The following PIEZO2 variants were observed in gnomAD, a reference collection of about 807,000 sequenced individuals.
PIEZO2 encodes piezo-type mechanosensitive ion channel component 2.
Under a neutral mutation model 337.3 loss-of-function variants are expected in PIEZO2, and 172 were observed. The observed-to-expected ratio is 0.51, with a 90% CI of 0.45 to 0.58. The LOEUF (loss-of-function observed/expected upper bound fraction) is 0.58, where lower values mean the gene tolerates loss of function less well. Among genes scored for constraint, PIEZO2 ranks in the 20% least tolerant of loss-of-function variants. The pLI is 0.00. For synonymous variants in PIEZO2, 1,251 were observed against 1,228.5 expected, an observed-to-expected ratio of 1.02 and a Z score of -0.38; for missense variants, 3,028 against 3,391.3, an observed-to-expected ratio of 0.89 and a Z score of 2.66.
In PIEZO2 at chr18:10,773,695, A is replaced by G. The variant is rs1020660529; in HGVS notation, c.2568-66T>C. ...TTGGGAGAGATTTGACTGAGGGGCA[A>G]GTAAAAGGAGGATAAACACAAATGA... On this transcript the variant is annotated intron_variant, in intron 19 of 55. Transcript: ENST00000674853. This position sits in a 1 kb window ranked among gnomAD's most constrained non-coding sequence, Gnocchi z 5.3. 11 of 1,413,010 alleles carry G rather than the reference A, an allele frequency of 7.8e-6. No homozygotes were observed. In the African/African-American group the frequency reaches 1.4e-4, roughly 18 times the overall value. 87.5% of individuals were successfully genotyped at this position (1,413,010 alleles called of 1,614,324 possible). A position where few individuals can be genotyped will look rare whatever the true frequency, so the allele number is the denominator to read the frequency against.
At chr18:11,013,297 T>C (rs1477784970) in intron 2 of PIEZO2, among the ~76,000 whole-genome samples, 1 of 152,106 alleles carries the variant, frequency 6.6e-6, no homozygotes, top group African/African-American at 2.4e-5. Flanking sequence ...GACCAGTCAT[T>C]GCTGGCTTTG....
At position 10,982,189 on chromosome 18, in the gene PIEZO2, T is replaced by A. The variant is rs967745977; in HGVS notation, c.161-2529A>T. 5.9e-5 allele frequency among the ~76,000 whole-genome samples: 9 copies of A among 152,220 alleles called. No individual in the cohort carries two copies. The highest frequency in any genetic ancestry group is 1.3e-4 in the Non-Finnish European group (9 of 68,038). On this transcript the variant is annotated intron_variant, in intron 2 of 55. Transcript: ENST00000674853. The surrounding 1 kb of genome is among the most constrained non-coding windows in gnomAD (Gnocchi z 4.1). ...ATTTTGCAGCAGCTTTTTGCTTATT[T>A]GTTTGTAAATATCCATTACTAGGTG...
chr18:10,988,595 A>C lies in PIEZO2; in HGVS notation c.161-8935T>G, dbSNP rs1016706779. ...CACTTCTGGGTATACATTCAAAATA[A>C]CTGAAATCAGGATGTCAAAAACCTA... On this transcript the variant is annotated intron_variant, in intron 2 of 55. Coordinates refer to ENST00000674853, the MANE Select transcript of PIEZO2 (RefSeq NM_001378183.1). The surrounding 1 kb of genome is among the most constrained non-coding windows in gnomAD (Gnocchi z 4.8). 6.6e-6 allele frequency among the ~76,000 whole-genome samples: 1 copy of C among 152,154 alleles called. No individual in the cohort carries two copies.
At chr18:10,871,589 A>G (rs188720052) in intron 4 of PIEZO2, among the ~76,000 whole-genome samples, 174 bp from the exon 5 acceptor site, 1 of 152,328 alleles carries the variant, frequency 6.6e-6, no homozygotes, top group East Asian at 1.9e-4. Flanking sequence ...CAAAATCTAC[A>G]CATTCAGGAA....
rs1200043393 is a variant in PIEZO2, at chr18:11,115,705, CTA to C, written c.64+32818_64+32819del. Among the ~76,000 whole-genome samples, 146 of 152,172 alleles carry C rather than the reference CTA, an allele frequency of 9.6e-4. 1 individual carries two copies. The highest frequency in any genetic ancestry group is 3.4e-3 in the African/African-American group (143 of 41,528). On this transcript the variant is annotated intron_variant, in intron 1 of 55. Transcript: ENST00000674853. ...AAGCATTCTATACTTTAAGAAAATGCTATGTTTATCTGAAATTCAGATTTAAG... is the reference window on the plus strand; with the variant it reads ...AAGCATTCTATACTTTAAGAAAATGCTGTTTATCTGAAATTCAGATTTAAG...
chr18:10,932,257 ATGGTG>A, intron 3 of PIEZO2, among the ~76,000 whole-genome samples: 1 of 152,112 alleles, frequency 6.6e-6, no homozygotes, highest in Non-Finnish European at 1.5e-5. Context: ...TTAGCAGGGT[ATGGTG>A]GCACATGCCT....
intron 36 of PIEZO2, among the ~76,000 whole-genome samples, chr18:10,728,744 A>G (rs545413131): frequency 2.6e-5 from 4 of 151,942 alleles, no homozygotes; most frequent in Non-Finnish European, 5.9e-5. Flanking sequence ...TCATGAGGTC[A>G]GAAGATCGAG....
intron 1 of PIEZO2, among the ~76,000 whole-genome samples, chr18:11,136,224 G>A (rs2146261387): frequency 6.6e-6 from 1 of 152,362 alleles, no homozygotes; most frequent in Admixed American, 6.5e-5. Context: ...GAAATGCAGT[G>A]TGGCTCTAAG....
chr18:11,002,861 C>T lies in PIEZO2; in HGVS notation c.161-23201G>A, dbSNP rs971191461. ...TTTCTCACACATTTTCATGGTCCTC[C>T]ATGGGCAGGTTCAGCAGAGAACAGA... On this transcript the variant is annotated intron_variant, in intron 2 of 55. Transcript: ENST00000674853. This position sits in a 1 kb window ranked among gnomAD's most constrained non-coding sequence, Gnocchi z 4.3. Among the ~76,000 whole-genome samples the T allele has an allele frequency of 2.0e-5, 3 of 152,210 alleles. No homozygotes were observed. The highest frequency in any genetic ancestry group is 7.2e-5 in the African/African-American group (3 of 41,432).
Position 10,716,583 on chromosome 18 carries a change from G to T in PIEZO2, c.5090-767C>A, listed in dbSNP as rs564236993. The stretch of plus-strand genomic sequence containing the variant: ...CACAGGAAGAGAACGGCCGCTGCTT[G>T]AAGCTGAATGAAGTGAGTCGCTGTG... On this transcript the variant is annotated intron_variant, in intron 37 of 55. Transcript: ENST00000674853. The surrounding 1 kb of genome is among the most constrained non-coding windows in gnomAD (Gnocchi z 4.1). Among the ~76,000 whole-genome samples, 1 of 151,846 alleles carries T rather than the reference G, an allele frequency of 6.6e-6. No individual in the cohort carries two copies. The highest frequency in any genetic ancestry group is 2.4e-5 in the African/African-American group (1 of 41,152).
intron 2 of PIEZO2, among the ~76,000 whole-genome samples, chr18:11,010,597 C>T (rs1204036081): frequency 6.6e-6 from 1 of 152,186 alleles, no homozygotes; most frequent in African/African-American, 2.4e-5. Context: ...TATTTATTCT[C>T]TAGTCCTGTT....
intron 7 of PIEZO2, among the ~76,000 whole-genome samples, chr18:10,818,551 A>G (rs1010633631): frequency 2.0e-5 from 3 of 152,228 alleles, no homozygotes; most frequent in Non-Finnish European, 2.9e-5. Context: ...TGCAGGATCA[A>G]TAGTAATATA....
intron 3 of PIEZO2, among the ~76,000 whole-genome samples, chr18:10,938,198 C>T (rs539339053): frequency 1.3e-5 from 2 of 152,268 alleles, no homozygotes; most frequent in African/African-American, 4.8e-5. Flanking sequence ...CAGAACTAAC[C>T]GGGACTGAGG....
At position 10,676,299 on chromosome 18, in the gene PIEZO2, C is replaced by G. The variant is rs1453806825; in HGVS notation, c.8082-1011G>C. 6.6e-6 allele frequency among the ~76,000 whole-genome samples: 1 copy of G among 152,122 alleles called. No individual in the cohort carries two copies. Among genetic ancestry groups the G allele is most frequent in the Non-Finnish European group, 1.5e-5 (1 of 68,020 alleles). ...TTCTAAGGCCTGCACCCTGGTGATC[C>G]ATATATTCCATGCATTACAATGGGG... is the stretch of plus-strand genomic sequence containing the variant. On this transcript the variant is annotated intron_variant, in intron 53 of 55. Transcript: ENST00000674853. This position sits in a 1 kb window ranked among gnomAD's most constrained non-coding sequence, Gnocchi z 5.1.
intron 2 of PIEZO2, among the ~76,000 whole-genome samples, chr18:11,040,885 G>T (rs1490532164): frequency 6.6e-6 from 1 of 152,054 alleles, no homozygotes; most frequent in African/African-American, 2.4e-5. Context: ...TAAAATAAAA[G>T]ATCAGTTAAA....
At chr18:10,776,148 T>A (rs1298763249) in intron 18 of PIEZO2, among the ~76,000 whole-genome samples, 1 of 152,206 alleles carries the variant, frequency 6.6e-6, no homozygotes, top group African/African-American at 2.4e-5. Flanking sequence ...GGTAACATTG[T>A]TTTTAGAGGC....
rs531805741 is a variant in PIEZO2, at chr18:11,149,496, G to T, written c.-908C>A. Among the ~76,000 whole-genome samples the T allele has an allele frequency of 1.3e-5, 2 of 152,086 alleles. No individual in the cohort carries two copies. Among genetic ancestry groups the T allele is most frequent in the South Asian group, 4.1e-4 (2 of 4,824 alleles). ...CGTCCCGTCGCCCAGCGCGACCACC[G>T]CCTGCCGCCTTGCAGCCTCGCCCTC... On this transcript the variant is annotated 5_prime_UTR_variant, in exon 1 of 56. Transcript: ENST00000674853. The surrounding 1 kb of genome is among the most constrained non-coding windows in gnomAD (Gnocchi z 8.7).
chr18:10,949,607 C>T (rs1175884973), intron 3 of PIEZO2, among the ~76,000 whole-genome samples: 1 of 152,254 alleles, frequency 6.6e-6, no homozygotes, highest in Admixed American at 6.5e-5. Flanking sequence ...GATAAACAAT[C>T]TCAGAAGTGC....
chr18:10,722,345 T>C (rs56002621), intron 36 of PIEZO2, among the ~76,000 whole-genome samples: 37,024 of 151,550 alleles, frequency 0.24, 4,697 homozygotes, highest in African/African-American at 0.29. Flanking sequence ...ATTCTCCTAC[T>C]TAAGCCTCCC....
Sources: gnomAD v4.1 joint callset for allele counts (sites outside exome capture counted in the v4.1 genomes callset) on GRCh38, gnomAD v4.1.1 for gene constraint, Gnocchi (gnomAD v3.1) non-coding constraint, MANE v1.5 for transcripts, NCBI Gene and HGNC (gene_info 2026-07-23, HGNC 2026-07-21) for gene names.